Variants in RFPL1 observed in about 807,000 individuals in gnomAD.
RFPL1 encodes the protein ret finger protein like 1.
In RFPL1, 6 loss-of-function variants were observed where a neutral mutation model predicts 9.6. The ratio of observed to expected loss-of-function variants is 0.62; its 90% CI spans 0.34 to 1.23. The LOEUF is 1.23. Among genes scored for constraint, RFPL1 ranks in the 50% most tolerant of loss-of-function variants. RFPL1 has a pLI of 0.03. For missense variants in RFPL1, 352 were observed against 398.4 expected (o/e 0.88, Z 0.99); for synonymous variants, 145 against 149.4 (o/e 0.97, Z 0.22).
chr22:29,440,050 C>T (rs985175693), intron 1 of RFPL1: 1 of 152,060 alleles, frequency 6.6e-6, no homozygotes, highest in Non-Finnish European at 1.5e-5. Flanking sequence ...TACTATCACT[C>T]TCCATAACTC....
chr22:29,418,741 G>A, the RFPL1 span, among the ~76,000 whole-genome samples: 42 of 151,898 alleles, frequency 2.8e-4, no homozygotes, highest in Non-Finnish European at 1.8e-4. Context: ...CTCGAGATCC[G>A]CCCACCTGGG....
the RFPL1 span, among the ~76,000 whole-genome samples, chr22:29,409,791 G>A: frequency 2.0e-5 from 3 of 152,080 alleles, no homozygotes; most frequent in Non-Finnish European, 4.4e-5. Context: ...TATCATATTT[G>A]ATTGCCGTCA....
chr22:29,405,905 C>T, the RFPL1 span, among the ~76,000 whole-genome samples: 2 of 150,668 alleles, frequency 1.3e-5, no homozygotes, highest in Non-Finnish European at 3.0e-5. Context: ...GTCAGGAGAT[C>T]GAGACCATCC....
At chr22:29,430,278 C>T in the RFPL1 span, among the ~76,000 whole-genome samples, 1 of 152,164 alleles carries the variant, frequency 6.6e-6, no homozygotes, top group Non-Finnish European at 1.5e-5. Flanking sequence ...ATCACCCCAT[C>T]TCAGCCTCTC....
At chr22:29,397,246 G>A in the RFPL1 span, among the ~76,000 whole-genome samples, 1 of 152,164 alleles carries the variant, frequency 6.6e-6, no homozygotes, top group Non-Finnish European at 1.5e-5. Context: ...AATGACATAA[G>A]TTCAACAACT....
rs1301407473 is a variant in RFPL1, at chr22:29,441,677, T to C, written c.509T>C (p.Leu170Pro). ...AGATTTGACGTGTCCATTTGCATCCTGGGCTCCCCTCGCTTTACCTGTGGC... is the reference window on the plus strand; with the variant it reads ...AGATTTGACGTGTCCATTTGCATCCCGGGCTCCCCTCGCTTTACCTGTGGC... The change falls in exon 2 of 2, where the codon CTG becomes CCG. Residue 170 changes from leucine to proline, a missense_variant. Coordinates refer to ENST00000354373, the Ensembl canonical transcript of RFPL1. The C allele has an allele frequency of 2.0e-5, 33 of 1,613,942 alleles. 1 individual carries two copies. The highest frequency in any genetic ancestry group is 3.3e-5 in the South Asian group (3 of 91,068).
chr22:29,415,562 A>C, the RFPL1 span, among the ~76,000 whole-genome samples: 2 of 152,246 alleles, frequency 1.3e-5, no homozygotes, highest in Non-Finnish European at 2.9e-5. Context: ...AAGCTGCCTA[A>C]GAGGCTGCCT....
the RFPL1 span, among the ~76,000 whole-genome samples, chr22:29,398,416 G>T: frequency 6.6e-6 from 1 of 152,152 alleles, no homozygotes; most frequent in Non-Finnish European, 1.5e-5. Flanking sequence ...AACTGGACTG[G>T]CTCCCTTAAT....
the RFPL1 span, among the ~76,000 whole-genome samples, chr22:29,392,200 C>T: frequency 6.6e-6 from 1 of 151,942 alleles, no homozygotes; most frequent in African/African-American, 2.4e-5. Flanking sequence ...CTGCCTCAGC[C>T]TCTCGAGTCG....
upstream of RFPL1, among the ~76,000 whole-genome samples, chr22:29,436,368 G>C (rs1412985042): frequency 1.3e-5 from 2 of 151,614 alleles, no homozygotes; most frequent in Non-Finnish European, 2.9e-5. Flanking sequence ...AGGCAGGCGG[G>C]TTACCTGAGG....
At chr22:29,410,649 T>TATC in the RFPL1 span, among the ~76,000 whole-genome samples, 1 of 134,386 alleles carries the variant, frequency 7.4e-6, no homozygotes, top group African/African-American at 2.7e-5. Context: ...TAGATATATC[T>TATC]ATCTATATAT....
exon 2 of RFPL1, chr22:29,441,956 G>T (rs2062842356): frequency 6.2e-7 from 1 of 1,613,978 alleles, no homozygotes; most frequent in Non-Finnish European, 8.5e-7. Context: ...GATGCTGAAG[G>T]TGGTTCCCAT....
rs551398655 is a variant in RFPL1 at position 29,440,317 on chromosome 22, T to C, written c.373+1153T>C. The C allele has an allele frequency of 3.3e-4, 51 of 152,322 alleles. 1 individual carries two copies. The highest frequency in any genetic ancestry group is 1.2e-3 in the African/African-American group (49 of 41,566). The allele number at this position is 152,322 out of a possible 1,614,324, so 9.4% of individuals were successfully genotyped here. On this transcript the variant is annotated intron_variant, in intron 1 of 1. Coordinates refer to ENST00000354373, the Ensembl canonical transcript of RFPL1. Reference sequence around the variant, plus strand: ...ATTCACCATCAAACAGCAATCAGTCTCCTCAAGTCTTACTGTAATCTATAA... The same window carrying C: ...ATTCACCATCAAACAGCAATCAGTCCCCTCAAGTCTTACTGTAATCTATAA...
At chr22:29,408,052 C>T in the RFPL1 span, among the ~76,000 whole-genome samples, 2 of 152,158 alleles carry the variant, frequency 1.3e-5, no homozygotes, top group Non-Finnish European at 2.9e-5. Flanking sequence ...AAAATGCACA[C>T]TTAATAATTA....
chr22:29,416,340 C>G, the RFPL1 span, among the ~76,000 whole-genome samples: 2 of 151,916 alleles, frequency 1.3e-5, no homozygotes, highest in Non-Finnish European at 2.9e-5. Context: ...TTTCCTGCAT[C>G]ACTGCTGCAG....
chr22:29,418,496 CTTTTTT>C, the RFPL1 span, among the ~76,000 whole-genome samples: 1 of 124,484 alleles, frequency 8.0e-6, no homozygotes, highest in African/African-American at 3.0e-5. Context: ...TCTTCGTCTT[CTTTTTT>C]TTTTTTTTTT....
At chr22:29,417,296 G>T in the RFPL1 span, among the ~76,000 whole-genome samples, 1 of 152,134 alleles carries the variant, frequency 6.6e-6, no homozygotes, top group South Asian at 2.1e-4. Flanking sequence ...TGTCCTGGAA[G>T]GAATCTGACT....
the RFPL1 span, among the ~76,000 whole-genome samples, chr22:29,430,875 C>T: frequency 3.3e-5 from 5 of 152,148 alleles, no homozygotes; most frequent in Non-Finnish European, 5.9e-5. Flanking sequence ...CAAATCTTAT[C>T]AACACCCATA....
chr22:29,401,117 G>A, the RFPL1 span, among the ~76,000 whole-genome samples: 1 of 152,134 alleles, frequency 6.6e-6, no homozygotes, highest in South Asian at 2.1e-4. Flanking sequence ...AGCAGTCACG[G>A]TCATACCCAT....
Sources: gnomAD v4.1 joint callset for allele counts (sites outside exome capture counted in the v4.1 genomes callset) on GRCh38, gnomAD v4.1.1 for gene constraint, MANE v1.5 for transcripts, NCBI Gene and HGNC (gene_info 2026-07-23, HGNC 2026-07-21) for gene names.